TMEM65: variants seen among roughly 807,000 people sequenced by gnomAD.
TMEM65 encodes the protein transmembrane protein 65.
Under a neutral mutation model 25.4 loss-of-function variants are expected in TMEM65, and 22 were observed. The ratio of observed to expected loss-of-function variants is 0.86; its 90% CI spans 0.62 to 1.23. The LOEUF (loss-of-function observed/expected upper bound fraction) is 1.23. Among genes scored for constraint, TMEM65 ranks in the 50% most tolerant of loss-of-function variants. The probability of loss-of-function intolerance (pLI) is 0.00; values close to 1 mark genes in which losing one functional copy is unlikely to be tolerated. For synonymous variants in TMEM65, 132 were observed against 126.2 expected (o/e 1.05, Z -0.31); for missense variants, 262 against 308.2 (o/e 0.85, Z 1.12).
chr8:124,361,772 G>A (rs1420858102), intron 1 of TMEM65, among the ~76,000 whole-genome samples: 1 of 151,880 alleles, frequency 6.6e-6, no homozygotes. Flanking sequence ...GGAGGCAGAG[G>A]TTGCAGTGAG....
At chr8:124,337,623 T>G (rs1371088074) in intron 1 of TMEM65, among the ~76,000 whole-genome samples, 1 of 152,078 alleles carries the variant, frequency 6.6e-6, no homozygotes, top group Admixed American at 6.5e-5. Context: ...CATTTTAAAG[T>G]CTTTGCTAAA....
intron 6 of TMEM65, among the ~76,000 whole-genome samples, chr8:124,315,826 C>G (rs948403547): frequency 1.2e-4 from 18 of 152,140 alleles, no homozygotes; most frequent in African/African-American, 3.9e-4. Context: ...AGAGTTTTAA[C>G]AAGAAGAAAT....
In TMEM65 at chr8:124,308,513, T is replaced by C. The variant is rs2131187345; in HGVS notation, c.*5447A>G. The C allele has an allele frequency of 6.6e-6, 1 of 152,334 alleles. No individual in the cohort carries two copies. The highest frequency in any genetic ancestry group is 3.4e-3 in the Middle Eastern group (1 of 296). 9.4% of individuals were successfully genotyped at this position (152,334 alleles called of 1,614,324 possible). ...TGCTGAGGAAAACAACCAGATGTTG[T>C]GTGTGACTTCGCAGAATTTACAACA... is the stretch of plus-strand genomic sequence containing the variant. On this transcript the variant is annotated 3_prime_UTR_variant, in exon 7 of 7. Transcript: ENST00000297632.
rs542396379 is a variant in TMEM65, at chr8:124,309,053, G to A, written c.*4907C>T. The A allele has an allele frequency of 6.6e-6, 1 of 152,390 alleles. No individual in the cohort carries two copies. Among genetic ancestry groups the A allele is most frequent in the East Asian group, 1.9e-4 (1 of 5,186 alleles). The allele number at this position is 152,390 out of a possible 1,614,324, so 9.4% of individuals were successfully genotyped here. A position where few individuals can be genotyped will look rare whatever the true frequency, so the allele number is the denominator to read the frequency against. On this transcript the variant is annotated 3_prime_UTR_variant, in exon 7 of 7. Coordinates refer to ENST00000297632, the MANE Select transcript of TMEM65 (RefSeq NM_194291.3). ...GCCTACTCAACATGAAGACAAGGAG[G>A]ATGAAGACTTTTATCATGATCCACT... is the stretch of plus-strand genomic sequence containing the variant.
intron 6 of TMEM65, among the ~76,000 whole-genome samples, chr8:124,317,889 C>A (rs1254350634): frequency 6.6e-6 from 1 of 152,138 alleles, no homozygotes; most frequent in East Asian, 1.9e-4. Flanking sequence ...CTGCAGGTGA[C>A]CCGTAGATCG....
At chr8:124,343,070 CAATT>C (rs1206236427) in intron 1 of TMEM65, among the ~76,000 whole-genome samples, 2 of 151,972 alleles carry the variant, frequency 1.3e-5, no homozygotes, top group African/African-American at 4.8e-5. Context: ...AATTGTAAAA[CAATT>C]AAATAAGGTA....
At chr8:124,321,639 C>T (rs948003501) in intron 5 of TMEM65, among the ~76,000 whole-genome samples, 1 of 152,110 alleles carries the variant, frequency 6.6e-6, no homozygotes, top group East Asian at 1.9e-4. Flanking sequence ...TAGTCAGTAT[C>T]CTCAAATTCG....
chr8:124,340,035 AAAATAAATC>A (rs1318333729), intron 1 of TMEM65, among the ~76,000 whole-genome samples: 3 of 152,274 alleles, frequency 2.0e-5, no homozygotes, highest in South Asian at 4.1e-4. Context: ...AGGCATTTAA[AAAATAAATC>A]AAAGACGGCC....
intron 1 of TMEM65, among the ~76,000 whole-genome samples, chr8:124,361,265 C>G (rs1814855680): frequency 6.6e-6 from 1 of 151,218 alleles, no homozygotes; most frequent in African/African-American, 2.4e-5. Flanking sequence ...GAGACCCTGT[C>G]TCTACTAAAA....
At chr8:124,336,089 G>A (rs1213424759) in intron 1 of TMEM65, among the ~76,000 whole-genome samples, 1 of 151,956 alleles carries the variant, frequency 6.6e-6, no homozygotes, top group Non-Finnish European at 1.5e-5. Flanking sequence ...AGATGAGGTA[G>A]ACTTAAAGAC....
chr8:124,331,983 G>C (rs890702918), intron 1 of TMEM65, among the ~76,000 whole-genome samples: 1 of 151,888 alleles, frequency 6.6e-6, no homozygotes, highest in South Asian at 2.1e-4. Flanking sequence ...CTAAAACCTC[G>C]AGTTTAATTA....
chr8:124,316,610 C>G (rs770368049), intron 6 of TMEM65, among the ~76,000 whole-genome samples: 10 of 152,164 alleles, frequency 6.6e-5, no homozygotes, highest in Non-Finnish European at 1.3e-4. Flanking sequence ...CAGACACACA[C>G]ACACTCAATA....
chr8:124,333,562 T>C (rs1324925853), intron 1 of TMEM65, among the ~76,000 whole-genome samples: 2 of 152,066 alleles, frequency 1.3e-5, no homozygotes, highest in Admixed American at 6.6e-5. Context: ...ATAAGATAAC[T>C]ATTAAGCTTG....
rs754922626 is a variant in TMEM65, at chr8:124,322,080, C to T, written c.515+25G>A. 6.3e-6 allele frequency: 10 copies of T among 1,580,752 alleles called. No homozygotes were observed. In the South Asian group the frequency reaches 6.8e-5, roughly 11 times the overall value. On this transcript the variant is annotated intron_variant, in intron 5 of 6. Transcript: ENST00000297632. Reference sequence around the variant, plus strand: ...AGAAAGACAGCAAGTACAGAATATACAAATGAATAAGTGAATGAACCTACC... The same window carrying T: ...AGAAAGACAGCAAGTACAGAATATATAAATGAATAAGTGAATGAACCTACC...
chr8:124,321,031 A>G (rs1814298137), intron 5 of TMEM65, among the ~76,000 whole-genome samples: 2 of 152,196 alleles, frequency 1.3e-5, no homozygotes, highest in Non-Finnish European at 2.9e-5. Context: ...TCAGAAAGCT[A>G]TACAATGACT....
chr8:124,342,227 T>C (rs915259208), intron 1 of TMEM65, among the ~76,000 whole-genome samples: 1 of 152,130 alleles, frequency 6.6e-6, no homozygotes, highest in Non-Finnish European at 1.5e-5. Flanking sequence ...TATTTACTCT[T>C]GTACTTTCCT....
intron 3 of TMEM65, among the ~76,000 whole-genome samples, chr8:124,324,480 TAA>T (rs1232463532): frequency 6.6e-6 from 1 of 151,444 alleles, no homozygotes; most frequent in Non-Finnish European, 1.5e-5. Context: ...GAAGAAGAAA[TAA>T]AGAGGAAGAA....
chr8:124,321,975 T>C, intron 5 of TMEM65, 130 bp downstream of exon 5: 1 of 755,800 alleles, frequency 1.3e-6, no homozygotes, highest in Non-Finnish European at 2.1e-6. Context: ...AAAAAGTAAA[T>C]TTGAAATTTT....
At chr8:124,340,237 A>T (rs1814568768) in intron 1 of TMEM65, among the ~76,000 whole-genome samples, 1 of 152,176 alleles carries the variant, frequency 6.6e-6, no homozygotes, top group African/African-American at 2.4e-5. Context: ...CATGGCTAAA[A>T]GTTTTAAATG....
Sources: gnomAD v4.1 joint callset for allele counts (sites outside exome capture counted in the v4.1 genomes callset) on GRCh38, gnomAD v4.1.1 for gene constraint, MANE v1.5 for transcripts, NCBI Gene and HGNC (gene_info 2026-07-23, HGNC 2026-07-21) for gene names.